Variants in NPAT observed in about 807,000 individuals in gnomAD.
NPAT encodes nuclear protein, coactivator of histone transcription.
In NPAT, 52 loss-of-function variants were observed where a neutral mutation model predicts 130.7. The ratio of observed to expected loss-of-function variants is 0.40; its 90% CI spans 0.32 to 0.50. The LOEUF (loss-of-function observed/expected upper bound fraction) is 0.50, where lower values mean the gene tolerates loss of function less well. NPAT is among the 20% of genes least tolerant of loss of function. The pLI, the probability that NPAT is intolerant of heterozygous loss-of-function variation, is 0.68. For synonymous variants in NPAT, 580 were observed against 584.8 expected, an observed-to-expected ratio of 0.99 and a Z score of 0.12; for missense variants, 1,687 against 1,662.6, an observed-to-expected ratio of 1.01 and a Z score of -0.26.
chr11:108,219,404 G>A (rs549801090), intron 1 of NPAT, among the ~76,000 whole-genome samples: 32 of 152,204 alleles, frequency 2.1e-4, no homozygotes, highest in South Asian at 1.7e-3. Context: ...GCTGCTGGGC[G>A]TCTTAGCTTT....
intron 10 of NPAT, among the ~76,000 whole-genome samples, chr11:108,182,451 T>C (rs2078066854): frequency 6.6e-6 from 1 of 152,236 alleles, no homozygotes; most frequent in African/African-American, 2.4e-5. Context: ...TTTTGGGATT[T>C]CTGTGTTACA....
chr11:108,202,969 G>A (rs1320274031), intron 1 of NPAT, among the ~76,000 whole-genome samples: 1 of 152,092 alleles, frequency 6.6e-6, no homozygotes, highest in Non-Finnish European at 1.5e-5. Flanking sequence ...TGTCACCCGG[G>A]GGTCTCAAAG....
intron 3 of NPAT, among the ~76,000 whole-genome samples, chr11:108,192,627 G>A (rs2078181105): frequency 6.6e-6 from 1 of 152,078 alleles, no homozygotes. Context: ...TTTAAAAATG[G>A]CTTTAAACAA....
intron 3 of NPAT, 28 bp downstream of exon 3, chr11:108,193,929 C>CA (rs764214298): frequency 1.6e-5 from 22 of 1,386,242 alleles, no homozygotes; most frequent in African/African-American, 2.8e-5. Flanking sequence ...TATACATCAG[C>CA]AAAAAAACTC....
At chr11:108,172,146 G>A in intron 13 of NPAT, 53 bp downstream of exon 13, 1 of 1,500,808 alleles carries the variant, frequency 6.7e-7, no homozygotes, top group South Asian at 1.1e-5. Context: ...ACATACAAAA[G>A]AAATTAGATC....
Position 108,172,560 on chromosome 11 carries a change from G to C in NPAT, c.2424C>G (p.Ala808=). The change falls in exon 13 of 18, where the codon GCC becomes GCG. Residue 808 remains alanine, a synonymous_variant. Transcript: ENST00000278612. ...AVVYAEVGDS[A]SMEQSLLTFK... ...ATGTTAAAAGACTCTGTTCCATTGA[G>C]GCTGAATCCCCTACTTCGGCATATA... 1 of 1,614,116 alleles carries C rather than the reference G, an allele frequency of 6.2e-7. No homozygotes were observed. Among genetic ancestry groups the C allele is most frequent in the Non-Finnish European group, 8.5e-7 (1 of 1,180,012 alleles).
chr11:108,209,389 T>C (rs1440953492), intron 1 of NPAT, among the ~76,000 whole-genome samples: 1 of 152,108 alleles, frequency 6.6e-6, no homozygotes, highest in Non-Finnish European at 1.5e-5. Context: ...GAGAGTACCA[T>C]GAGGTGAGGA....
At chr11:108,183,303 T>A (rs751948491) in intron 10 of NPAT, among the ~76,000 whole-genome samples, 1 of 151,824 alleles carries the variant, frequency 6.6e-6, no homozygotes, top group Non-Finnish European at 1.5e-5. Flanking sequence ...TATTAAGTGG[T>A]AAGATAAGAG....
intron 1 of NPAT, among the ~76,000 whole-genome samples, chr11:108,213,976 C>G (rs934046004): frequency 1.3e-5 from 2 of 152,130 alleles, no homozygotes; most frequent in African/African-American, 4.8e-5. Flanking sequence ...TAACCTTGAA[C>G]TCCTGGGCTG....
chr11:108,209,032 C>T (rs894931641), intron 1 of NPAT, among the ~76,000 whole-genome samples: 1 of 152,100 alleles, frequency 6.6e-6, no homozygotes, highest in Non-Finnish European at 1.5e-5. Flanking sequence ...GTAATCCCAG[C>T]ACGTTGGGAG....
At chr11:108,160,835 C>T (rs377076676) in intron 17 of NPAT, 45 bp downstream of exon 17, 16 of 1,544,772 alleles carry the variant, frequency 1.0e-5, no homozygotes, top group African/African-American at 4.1e-5. Context: ...ATCACTAAAG[C>T]GGAAAAAAAA....
In NPAT at chr11:108,172,826, T is replaced by C. The variant is rs2077966300; in HGVS notation, c.2158A>G (p.Thr720Ala). The C allele has an allele frequency of 6.2e-7, 1 of 1,613,858 alleles. No individual in the cohort carries two copies. Among genetic ancestry groups the C allele is most frequent in the Non-Finnish European group, 8.5e-7 (1 of 1,180,032 alleles). The part of the protein sequence containing the change: ...VGDSHPESQN[T>A]DDKPSSNNSA... ...TTGTTGCTAGAAGGTTTATCATCAG[T>C]ATTTTGGGACTCAGGGTGAGAATCT... The change falls in exon 13 of 18, where the codon ACT becomes GCT. Residue 720 changes from threonine (T) to alanine (A), a missense_variant. By Grantham distance (58) the Thr-to-Ala change is moderately conservative. This residue lies in a region of NPAT where 1,379 missense variants were observed against 1,346.6 expected (regional missense o/e 1.02). Coordinates refer to ENST00000278612, the MANE Select transcript of NPAT (RefSeq NM_002519.3).
intron 1 of NPAT, among the ~76,000 whole-genome samples, chr11:108,216,198 T>C (rs770134865): frequency 8.5e-5 from 13 of 152,132 alleles, no homozygotes; most frequent in Non-Finnish European, 1.5e-4. Context: ...CTTTTCATGG[T>C]GGAGTTTCAA....
At chr11:108,206,707 CCT>C (rs1414479951) in intron 1 of NPAT, among the ~76,000 whole-genome samples, 6 of 152,282 alleles carry the variant, frequency 3.9e-5, no homozygotes, top group Admixed American at 1.3e-4. Context: ...ATGTTTCAGC[CCT>C]GTTTTACAGA....
chr11:108,161,729 T>G lies in NPAT; in HGVS notation c.3357A>C (p.Lys1119Asn). The G allele has an allele frequency of 3.7e-6, 6 of 1,613,826 alleles. No homozygotes were observed. Among genetic ancestry groups the G allele is most frequent in the Non-Finnish European group, 5.1e-6 (6 of 1,180,046 alleles). The change falls in exon 17 of 18, where the codon AAA becomes AAC. Residue 1119 changes from lysine (K) to asparagine (N), a missense_variant. Transcript: ENST00000278612. ...PPSNNAIKRE[K>N]EKPPLPKILS... ...AAATCTTAGGCAGAGGAGGCTTCTC[T>G]TTCTCTCTTTTGATAGCATTATTAG...
At chr11:108,160,009 G>A (rs2077830129) in intron 17 of NPAT, among the ~76,000 whole-genome samples, 1 of 152,002 alleles carries the variant, frequency 6.6e-6, no homozygotes, top group Non-Finnish European at 1.5e-5. Context: ...AAATTAGCTG[G>A]GTGTGGTGGC....
chr11:108,183,347 T>C (rs888684668), intron 10 of NPAT, among the ~76,000 whole-genome samples: 9 of 152,046 alleles, frequency 5.9e-5, no homozygotes, highest in Non-Finnish European at 1.3e-4. Flanking sequence ...AGAACTGACA[T>C]AGAGAAAAAC....
intron 1 of NPAT, among the ~76,000 whole-genome samples, chr11:108,214,662 C>T (rs192354143): frequency 1.5e-4 from 23 of 149,818 alleles, no homozygotes; most frequent in Admixed American, 4.6e-4. Context: ...GATGGAGTCC[C>T]GCTCTTGTCA....
chr11:108,203,479 G>T (rs1220815206), intron 1 of NPAT, among the ~76,000 whole-genome samples: 1 of 152,162 alleles, frequency 6.6e-6, no homozygotes, highest in Admixed American at 6.5e-5. Context: ...TCATACTCGA[G>T]TAAAGGCCTG....
Sources: gnomAD v4.1 joint callset for allele counts (sites outside exome capture counted in the v4.1 genomes callset) on GRCh38, gnomAD v4.1.1 for gene constraint, gnomAD v4.1.1 regional missense constraint, MANE v1.5 for transcripts, NCBI Gene and HGNC (gene_info 2026-07-23, HGNC 2026-07-21) for gene names.